FBXL22: variants seen among roughly 807,000 people sequenced by gnomAD.
FBXL22 encodes the protein F-box and leucine rich repeat protein 22.
Under a neutral mutation model 11.7 loss-of-function variants are expected in FBXL22, and 13 were observed. The ratio of observed to expected loss-of-function variants is 1.11; its 90% confidence interval spans 0.73 to 1.77. The LOEUF (loss-of-function observed/expected upper bound fraction) is 1.77, where lower values mean the gene tolerates loss of function less well. Ranked by LOEUF, FBXL22 falls within the 40% of genes most tolerant of loss-of-function variation. The pLI is 0.00. For missense variants in FBXL22, 406 were observed against 320.4 expected (o/e 1.27, Z -2.04); for synonymous variants, 160 against 144.1 (o/e 1.11, Z -0.79).
chr15:63,600,350 G>C, intron 1 of FBXL22: 2 of 1,071,922 alleles, frequency 1.9e-6, no homozygotes, highest in Non-Finnish European at 2.3e-6. Flanking sequence ...CACATCCAGA[G>C]CGAAACAAAG....
chr15:63,599,891 G>C (rs2067338187), intron 1 of FBXL22: 1 of 985,654 alleles, frequency 1.0e-6, no homozygotes, highest in Non-Finnish European at 1.2e-6. Context: ...CCCAGTGGTA[G>C]ACATTATTCC....
chr15:63,599,720 C>A (rs2067334055), intron 1 of FBXL22: 2 of 987,084 alleles, frequency 2.0e-6, no homozygotes, highest in South Asian at 9.3e-5. Context: ...GAAAGGGAAA[C>A]GCTTCCCCAG....
chr15:63,604,076 G>C (rs2067401277), downstream of FBXL22, among the ~76,000 whole-genome samples: 1 of 152,098 alleles, frequency 6.6e-6, no homozygotes, highest in Non-Finnish European at 1.5e-5. Flanking sequence ...CTAAATTGGT[G>C]GCTTAGCCTG....
chr15:63,600,608 C>T (rs973588577), intron 1 of FBXL22, 89 bp from the exon 2 acceptor site: 25 of 1,230,364 alleles, frequency 2.0e-5, no homozygotes, highest in Non-Finnish European at 2.2e-5. Context: ...CCCGAGTCCT[C>T]CTCGGTAAAT....
intron 1 of FBXL22, chr15:63,599,910 A>T: frequency 1.0e-6 from 1 of 985,616 alleles, no homozygotes; most frequent in Non-Finnish European, 1.2e-6. Flanking sequence ...CCCCCCACGC[A>T]GAGGAAATGA....
At chr15:63,608,411 C>T in the FBXL22 span, among the ~76,000 whole-genome samples, 1 of 152,174 alleles carries the variant, frequency 6.6e-6, no homozygotes, top group East Asian at 1.9e-4. Flanking sequence ...GGGCTTCCAA[C>T]CCAGAGGGAT....
the FBXL22 span, among the ~76,000 whole-genome samples, chr15:63,607,717 C>T: frequency 6.6e-6 from 1 of 152,224 alleles, no homozygotes; most frequent in Admixed American, 6.5e-5. Context: ...CTGTCTGGCA[C>T]CTCATTTGAG....
Position 63,601,001 on chromosome 15 carries a change from G to A in FBXL22, c.658G>A (p.Ala220Thr). 7 of 1,194,704 alleles carry A rather than the reference G, an allele frequency of 5.9e-6. No homozygotes were observed. The highest frequency in any genetic ancestry group is 7.3e-6 in the Non-Finnish European group (7 of 964,458). 74.0% of individuals were successfully genotyped at this position (1,194,704 alleles called of 1,614,324 possible). A position where few individuals can be genotyped will look rare whatever the true frequency, so the allele number is the denominator to read the frequency against. Reference sequence around the variant, plus strand: ...GCCCGACCAGCCCCCGCGCCCGCGCGCGCCCGCCGCGGCCCTCGGCAAGCT... The same window carrying A: ...GCCCGACCAGCCCCCGCGCCCGCGCACGCCCGCCGCGGCCCTCGGCAAGCT... ...MLPDQPPRPR[A>T]PAAALGKLLQ... The change falls in exon 2 of 2, where the codon GCG becomes ACG. Residue 220 changes from alanine to threonine, a missense_variant. Ala to Thr is a moderately conservative substitution (Grantham distance 58). Transcript: ENST00000638704.
At chr15:63,604,719 G>C (rs1324701549), downstream of FBXL22, among the ~76,000 whole-genome samples, 1 of 152,172 alleles carries the variant, frequency 6.6e-6, no homozygotes, top group Non-Finnish European at 1.5e-5. Flanking sequence ...GGTGTGTCCA[G>C]GGAGGGCATG....
At chr15:63,603,537 T>G (rs4438257), downstream of FBXL22, among the ~76,000 whole-genome samples, 25,200 of 152,128 alleles carry the variant, frequency 0.17, 2,584 homozygotes, top group African/African-American at 0.28. Flanking sequence ...AAATGAGAGA[T>G]GAAGGTTCCC....
At position 63,601,102 on chromosome 15, in the gene FBXL22, C is replaced by A; in HGVS notation, c.*63C>A. ...CCCCAGACCGTCCTGGCTTCGAACC[C>A]AGCTCTTCCACCTTCAGACCACCAC... On this transcript the variant is annotated 3_prime_UTR_variant, in exon 2 of 2. Transcript: ENST00000638704. 7.7e-7 allele frequency: 1 copy of A among 1,298,542 alleles called. No homozygotes were observed. 80.4% of individuals were successfully genotyped at this position (1,298,542 alleles called of 1,614,324 possible).
rs1396254698 is a variant in FBXL22 at position 63,597,645 on chromosome 15, G to A, written c.253G>A (p.Val85Met). The A allele has an allele frequency of 6.2e-7, 1 of 1,613,318 alleles. No individual in the cohort carries two copies. Among genetic ancestry groups the A allele is most frequent in the South Asian group, 1.1e-5 (1 of 91,080 alleles). Reference protein sequence around the residue: ...SICWHSSRVQVCSIEDWLKSA... With the variant: ...SICWHSSRVQMCSIEDWLKSA... The stretch of plus-strand genomic sequence containing the variant: ...CTGCTGGCACTCCAGCCGCGTGCAG[G>A]TGTGCAGCATTGAGGACTGGCTCAA... Residue 85 changes from valine (V) to methionine (M), a missense_variant, in exon 1 of 2, where the codon GTG becomes ATG. By Grantham distance (21) the Val-to-Met change is conservative. Transcript: ENST00000638704. This position sits in a 1 kb window ranked among gnomAD's most constrained non-coding sequence, Gnocchi z 4.3.
chr15:63,597,826 G>A lies in FBXL22; in HGVS notation c.353+81G>A, dbSNP rs755666400. The A allele has an allele frequency of 6.3e-4, 853 of 1,358,230 alleles. No homozygotes were observed. Among genetic ancestry groups the A allele is most frequent in the Non-Finnish European group, 7.5e-4 (762 of 1,013,048 alleles). The allele number at this position is 1,358,230 out of a possible 1,614,324, so 84.1% of individuals were successfully genotyped here. A position where few individuals can be genotyped will look rare whatever the true frequency, so the allele number is the denominator to read the frequency against. On this transcript the variant is annotated intron_variant, in intron 1 of 1. Coordinates refer to ENST00000638704, the MANE Select transcript of FBXL22 (RefSeq NM_001367807.1). This position sits in a 1 kb window ranked among gnomAD's most constrained non-coding sequence, Gnocchi z 4.3. ...TGGGGGGCAGGGAAGAGCAAATTAC[G>A]AGACCAAGATGGCTCCACCTTCGGG...
chr15:63,600,093 T>A, intron 1 of FBXL22: 1 of 985,736 alleles, frequency 1.0e-6, no homozygotes, highest in Non-Finnish European at 1.2e-6. Context: ...TCTAGCTGCC[T>A]CCGAACCCTA....
At chr15:63,599,247 C>A in intron 1 of FBXL22, 1 of 1,531,590 alleles carries the variant, frequency 6.5e-7, no homozygotes, top group South Asian at 1.2e-5. Context: ...CAGCTCAGGT[C>A]GGGAGGAATG....
At chr15:63,606,405 T>C (rs2067413117), downstream of FBXL22, among the ~76,000 whole-genome samples, 1 of 152,206 alleles carries the variant, frequency 6.6e-6, no homozygotes, top group Non-Finnish European at 1.5e-5. Context: ...TTAAGGGTCA[T>C]AAAAACTGCA....
Position 63,597,596 on chromosome 15 carries a change from C to A in FBXL22, c.204C>A (p.Gly68=). Residue 68 remains glycine, a synonymous_variant, in exon 1 of 2, where the codon GGC becomes GGA. Transcript: ENST00000638704. The surrounding 1 kb of genome is among the most constrained non-coding windows in gnomAD (Gnocchi z 4.3). The stretch of plus-strand genomic sequence containing the variant: ...TCCAGAAGGACAACTTCCTCCTGGG[C>A]CCGGCACTCCGCAGCCTCTCCATCT... The part of the protein sequence containing the change: ...TELQKDNFLL[G]PALRSLSICW... 1 of 1,613,964 alleles carries A rather than the reference C, an allele frequency of 6.2e-7. No homozygotes were observed. The highest frequency in any genetic ancestry group is 1.1e-5 in the South Asian group (1 of 91,078).
downstream of FBXL22, among the ~76,000 whole-genome samples, chr15:63,603,412 A>C (rs2067396161): frequency 6.6e-6 from 1 of 152,156 alleles, no homozygotes; most frequent in African/African-American, 2.4e-5. Flanking sequence ...TTGGGTAATA[A>C]ATTTGCTTTT....
chr15:63,603,267 A>G (rs1318610079), downstream of FBXL22, among the ~76,000 whole-genome samples: 2 of 152,206 alleles, frequency 1.3e-5, no homozygotes, highest in Non-Finnish European at 1.5e-5. Flanking sequence ...ACACACAGAC[A>G]TCATACTCAG....
Sources: allele counts gnomAD v4.1 joint callset (sites outside exome capture counted in the v4.1 genomes callset), GRCh38; gene constraint gnomAD v4.1.1; non-coding constraint Gnocchi (gnomAD v3.1); transcripts MANE v1.5; gene names NCBI Gene and HGNC (gene_info 2026-07-23, HGNC 2026-07-21).